The following KCNIP4 variants were observed in gnomAD, a reference collection of about 807,000 sequenced individuals.
KCNIP4 encodes the protein Kv channel-interacting protein 4.
KCNIP4 carries 12 observed loss-of-function variants against 34.0 expected under a neutral mutation model. That is an observed-to-expected ratio of 0.35 (90% CI 0.23 to 0.57). The LOEUF (loss-of-function observed/expected upper bound fraction) is 0.57. Ranked by LOEUF, KCNIP4 falls within the 20% of genes least tolerant of loss-of-function variation. KCNIP4 has a pLI of 0.83. For missense variants in KCNIP4, 238 were observed against 311.7 expected (o/e 0.76, Z 1.78); for synonymous variants, 124 against 102.2 (o/e 1.21, Z -1.29).
In KCNIP4 at chr4:20,815,236, A is replaced by G. The variant is rs539812450; in HGVS notation, c.288+35307T>C. On this transcript the variant is annotated intron_variant, in intron 3 of 8. Coordinates refer to ENST00000382152, the MANE Select transcript of KCNIP4 (RefSeq NM_025221.6). ...AAAAATAAGGAAATACTATTTTCAT[A>G]TATGTTTATGTATTCACTATTGCAT... Among the ~76,000 whole-genome samples, 15 of 152,322 alleles carry G rather than the reference A, an allele frequency of 9.8e-5. No individual in the cohort carries two copies. In the South Asian group the frequency reaches 1.2e-3, roughly 13 times the overall value.
chr4:21,799,908 T>C (rs778065176), intron 1 of KCNIP4, among the ~76,000 whole-genome samples: 10 of 152,204 alleles, frequency 6.6e-5, no homozygotes, highest in South Asian at 2.1e-4. Context: ...GTTTCATTCA[T>C]CCTACAATGA....
At chr4:21,140,251 C>T (rs935259685) in intron 1 of KCNIP4, among the ~76,000 whole-genome samples, 3 of 152,012 alleles carry the variant, frequency 2.0e-5, no homozygotes, top group African/African-American at 7.2e-5. Context: ...CTCTTTTGGG[C>T]CTCAGCCTCT....
intron 2 of KCNIP4, among the ~76,000 whole-genome samples, chr4:20,879,496 T>A (rs1724443904): frequency 6.6e-6 from 1 of 152,226 alleles, no homozygotes; most frequent in African/African-American, 2.4e-5. Context: ...TTTAACACAG[T>A]AGTTTGGGAC....
intron 1 of KCNIP4, among the ~76,000 whole-genome samples, chr4:20,908,741 C>T (rs1728042843): frequency 6.6e-6 from 1 of 152,092 alleles, no homozygotes; most frequent in African/African-American, 2.4e-5. Context: ...TTGTAGAACT[C>T]GATATAGAGT....
intron 1 of KCNIP4, among the ~76,000 whole-genome samples, chr4:21,146,136 C>T (rs1179412026): frequency 1.3e-5 from 2 of 152,196 alleles, no homozygotes; most frequent in Admixed American, 1.3e-4. Context: ...CAGTGGCTCA[C>T]GCCTGTAACC....
At chr4:21,591,985 A>T (rs1347347225) in intron 1 of KCNIP4, among the ~76,000 whole-genome samples, 1 of 152,140 alleles carries the variant, frequency 6.6e-6, no homozygotes, top group Non-Finnish European at 1.5e-5. Flanking sequence ...ACGGTGCTGC[A>T]TTGGAAGTTG....
chr4:21,005,759 A>G (rs1027572842), intron 1 of KCNIP4, among the ~76,000 whole-genome samples: 1 of 152,162 alleles, frequency 6.6e-6, no homozygotes, highest in Non-Finnish European at 1.5e-5. Flanking sequence ...TTGAATGCAG[A>G]GTGACTTTGG....
At chr4:20,808,707 G>C (rs1360052243) in intron 3 of KCNIP4, among the ~76,000 whole-genome samples, 1 of 152,046 alleles carries the variant, frequency 6.6e-6, no homozygotes, top group East Asian at 1.9e-4. Flanking sequence ...AGTTCCATAC[G>C]CTGGATGGAT....
chr4:21,696,236 A>G (rs73256525), intron 1 of KCNIP4, among the ~76,000 whole-genome samples: 1 of 152,248 alleles, frequency 6.6e-6, no homozygotes, highest in Non-Finnish European at 1.5e-5. Flanking sequence ...TTACACTAAC[A>G]TAATTGTATA....
chr4:21,026,569 G>A (rs1740576463), intron 1 of KCNIP4, among the ~76,000 whole-genome samples: 1 of 152,162 alleles, frequency 6.6e-6, no homozygotes, highest in Non-Finnish European at 1.5e-5. Flanking sequence ...TGGGAGGATT[G>A]TTTGAGCCCA....
intron 1 of KCNIP4, among the ~76,000 whole-genome samples, chr4:21,412,769 T>G (rs779580031): frequency 4.6e-5 from 7 of 152,204 alleles, no homozygotes; most frequent in Admixed American, 1.3e-4. Flanking sequence ...GGTGCATGTC[T>G]TTTATATTTC....
intron 1 of KCNIP4, among the ~76,000 whole-genome samples, chr4:21,470,825 A>AC (rs1194015190): frequency 6.4e-5 from 4 of 62,664 alleles, no homozygotes; most frequent in Non-Finnish European, 1.6e-4. Context: ...TAATTTAACA[A>AC]AAAAAAAAAA....
intron 1 of KCNIP4, among the ~76,000 whole-genome samples, chr4:21,679,486 T>TGA (rs34789091): frequency 1 from 151,958 of 152,232 alleles, 75,844 homozygotes; most frequent in Middle Eastern, 1. Context: ...TGGCTCTTCC[T>TGA]GAGGTCCAAT....
intron 1 of KCNIP4, chr4:21,853,211 A>G (rs972240253): frequency 3.3e-5 from 5 of 152,156 alleles, no homozygotes; most frequent in Non-Finnish European, 5.9e-5. Context: ...GAGTTCAGTA[A>G]CATAAGGCAG....
At chr4:21,698,324 A>G (rs1247745144) in intron 1 of KCNIP4, among the ~76,000 whole-genome samples, 3 of 152,230 alleles carry the variant, frequency 2.0e-5, no homozygotes, top group African/African-American at 7.2e-5. Flanking sequence ...TAAGCCCTTT[A>G]CATTGCCTCC....
chr4:21,843,312 T>G (rs1344861160), intron 1 of KCNIP4: 1 of 152,086 alleles, frequency 6.6e-6, no homozygotes, highest in Admixed American at 6.6e-5. Flanking sequence ...CCATTAGCAT[T>G]ATATAACTGA....
chr4:21,590,987 C>A (rs1000623359), intron 1 of KCNIP4, among the ~76,000 whole-genome samples: 1 of 151,792 alleles, frequency 6.6e-6, no homozygotes, highest in African/African-American at 2.4e-5. Context: ...GTAAAACACA[C>A]AAGAACACTA....
intron 1 of KCNIP4, among the ~76,000 whole-genome samples, chr4:21,094,121 G>C (rs1014830302): frequency 6.6e-6 from 1 of 151,884 alleles, no homozygotes; most frequent in Non-Finnish European, 1.5e-5. Context: ...ATTTAATTTA[G>C]TGCTATACCT....
intron 1 of KCNIP4, among the ~76,000 whole-genome samples, chr4:20,934,250 A>T (rs2149606507): frequency 6.6e-6 from 1 of 152,222 alleles, no homozygotes; most frequent in East Asian, 1.9e-4. Flanking sequence ...ATATTCAGTC[A>T]GCTCCTCCTA....
Sources: allele counts gnomAD v4.1 joint callset (sites outside exome capture counted in the v4.1 genomes callset), GRCh38; gene constraint gnomAD v4.1.1; transcripts MANE v1.5; gene names NCBI Gene and HGNC (gene_info 2026-07-23, HGNC 2026-07-21).